The following TPCN1 variants were observed in gnomAD, a reference collection of about 807,000 sequenced individuals.
TPCN1 encodes the protein two pore channel protein 1.
A neutral mutation model predicts 108.8 loss-of-function variants in TPCN1; 52 were observed. The observed-to-expected ratio is 0.48, with a 90% CI of 0.38 to 0.60. The LOEUF (loss-of-function observed/expected upper bound fraction) is 0.60, where lower values mean the gene tolerates loss of function less well. TPCN1 is among the 20% of genes least tolerant of loss of function. The pLI, the probability that TPCN1 is intolerant of heterozygous loss-of-function variation, is 0.00. For missense variants in TPCN1, 806 were observed against 1,072.8 expected, an observed-to-expected ratio of 0.75 and a Z score of 3.47; for synonymous variants, 446 against 433.7, an observed-to-expected ratio of 1.03 and a Z score of -0.35.
chr12:113,277,884 G>C (rs1955727396), intron 12 of TPCN1, among the ~76,000 whole-genome samples: 1 of 152,190 alleles, frequency 6.6e-6, no homozygotes, highest in Non-Finnish European at 1.5e-5. Flanking sequence ...AAAAAGTGAA[G>C]TTTCCGTCCT....
chr12:113,245,600 C>CAAAAAAAAAA (rs766002477), intron 2 of TPCN1, among the ~76,000 whole-genome samples: 2 of 43,102 alleles, frequency 4.6e-5, no homozygotes, highest in South Asian at 7.9e-4. Flanking sequence ...GACTCCGTCT[C>CAAAAAAAAAA]AAAAAAAAAA....
rs1007441968 is a variant in TPCN1, at chr12:113,266,008, C to G, written c.238-172C>G. ...GCCCATCAGCAGGCAGGAGTGAGAC[C>G]TGACCACCGTGAGTTTCGCGAAGAT... On this transcript the variant is annotated intron_variant, in intron 3 of 27. Coordinates refer to ENST00000335509, the MANE Select transcript of TPCN1 (RefSeq NM_017901.6). This position sits in a 1 kb window ranked among gnomAD's most constrained non-coding sequence, Gnocchi z 4.2. 2.0e-5 allele frequency among the ~76,000 whole-genome samples: 3 copies of G among 152,002 alleles called. No homozygotes were observed. Among genetic ancestry groups the G allele is most frequent in the African/African-American group, 7.3e-5 (3 of 41,334 alleles).
chr12:113,233,531 C>T (rs1953772031), intron 2 of TPCN1, among the ~76,000 whole-genome samples: 1 of 152,252 alleles, frequency 6.6e-6, no homozygotes, highest in African/African-American at 2.4e-5. Flanking sequence ...ACGCCGCCTT[C>T]CTGCTCCAGG....
At chr12:113,285,087 T>G (rs1325284966) in intron 17 of TPCN1, among the ~76,000 whole-genome samples, 1 of 152,242 alleles carries the variant, frequency 6.6e-6, no homozygotes, top group Non-Finnish European at 1.5e-5. Flanking sequence ...TGCCTGCCTC[T>G]GGGCTGTGCA....
chr12:113,295,530 T>G (rs1032424105), intron 27 of TPCN1, among the ~76,000 whole-genome samples: 1 of 151,990 alleles, frequency 6.6e-6, no homozygotes, highest in African/African-American at 2.4e-5. Flanking sequence ...TGTCAGAGTT[T>G]ATAATCATGG....
intron 1 of TPCN1, among the ~76,000 whole-genome samples, chr12:113,223,968 TATATAAAAATG>T (rs1013987556): frequency 3.8e-4 from 58 of 152,370 alleles, no homozygotes; most frequent in African/African-American, 1.3e-3. Context: ...GAACAACTCC[TATATAAAAATG>T]ATATAAAAAT....
In TPCN1 at chr12:113,284,095, G is replaced by A. The variant is rs1469296515; in HGVS notation, c.1343-486G>A. ...TGTTTTGCTATCACAATAGTGCTGC[G>A]GTGAGTAGCTTTCAGATACATCTTA... is the stretch of plus-strand genomic sequence containing the variant. On this transcript the variant is annotated intron_variant, in intron 15 of 27. Coordinates refer to ENST00000335509, the MANE Select transcript of TPCN1 (RefSeq NM_017901.6). This position sits in a 1 kb window ranked among gnomAD's most constrained non-coding sequence, Gnocchi z 4.1. Among the ~76,000 whole-genome samples the A allele has an allele frequency of 3.3e-5, 5 of 152,332 alleles. No homozygotes were observed. The highest frequency in any genetic ancestry group is 7.3e-5 in the Non-Finnish European group (5 of 68,040).
intron 2 of TPCN1, among the ~76,000 whole-genome samples, chr12:113,259,833 A>T (rs1292014454): frequency 1.3e-5 from 2 of 152,244 alleles, no homozygotes; most frequent in Non-Finnish European, 1.5e-5. Flanking sequence ...TGTTCTACAG[A>T]GACAGATGGC....
intron 2 of TPCN1, among the ~76,000 whole-genome samples, chr12:113,247,858 G>A (rs944823460): frequency 1.3e-5 from 2 of 152,190 alleles, no homozygotes; most frequent in Admixed American, 6.5e-5. Flanking sequence ...AGAAATGAGC[G>A]ATCATGCTTT....
At chr12:113,260,917 G>T (rs1386680423) in intron 3 of TPCN1, among the ~76,000 whole-genome samples, 1 of 151,844 alleles carries the variant, frequency 6.6e-6, no homozygotes, top group Non-Finnish European at 1.5e-5. Flanking sequence ...TTTTGGCCAG[G>T]CATGGTCGCT....
rs981734083 is a variant in TPCN1 at position 113,231,560 on chromosome 12, A to G, written c.112+4596A>G. Among the ~76,000 whole-genome samples the G allele has an allele frequency of 6.6e-6, 1 of 152,212 alleles. No individual in the cohort carries two copies. The highest frequency in any genetic ancestry group is 1.5e-5 in the Non-Finnish European group (1 of 68,044). Reference sequence around the variant, plus strand: ...ATTTGAGGGGGACACAGTTCAGGCCATCACACTCCTACCCATTCTTCAGAG... The same window carrying G: ...ATTTGAGGGGGACACAGTTCAGGCCGTCACACTCCTACCCATTCTTCAGAG... On this transcript the variant is annotated intron_variant, in intron 2 of 27. Transcript: ENST00000335509. The surrounding 1 kb of genome is among the most constrained non-coding windows in gnomAD (Gnocchi z 4.3).
chr12:113,285,043 G>A (rs1369421154), intron 17 of TPCN1, among the ~76,000 whole-genome samples: 4 of 152,200 alleles, frequency 2.6e-5, no homozygotes, highest in Non-Finnish European at 5.9e-5. Flanking sequence ...GCACACTGTT[G>A]CTCTCCTCAG....
chr12:113,244,571 A>G, intron 2 of TPCN1: 2 of 985,408 alleles, frequency 2.0e-6, no homozygotes, highest in Non-Finnish European at 2.4e-6. Flanking sequence ...GCACAGAAGC[A>G]TGGTGGCAAC....
intron 15 of TPCN1, among the ~76,000 whole-genome samples, chr12:113,282,075 C>T (rs796311885): frequency 8.0e-5 from 12 of 150,040 alleles, no homozygotes; most frequent in African/African-American, 2.9e-4. Flanking sequence ...TGCCCACCAC[C>T]ACACCCGGCT....
intron 1 of TPCN1, among the ~76,000 whole-genome samples, chr12:113,223,524 A>G (rs1162930668): frequency 6.9e-6 from 1 of 144,426 alleles, no homozygotes; most frequent in Non-Finnish European, 1.5e-5. Flanking sequence ...TGTTTTACTT[A>G]TTTAGTTATT....
In TPCN1 at chr12:113,280,135, T is replaced by G; in HGVS notation, c.1298-16T>G. The G allele has an allele frequency of 1.3e-6, 2 of 1,587,852 alleles. No homozygotes were observed. Among genetic ancestry groups the G allele is most frequent in the Non-Finnish European group, 1.7e-6 (2 of 1,157,454 alleles). ...GTGCGTAAATTTACATTTTAACTTG[T>G]CTTTTCTTCAAATAGGTATTAATAT... On this transcript the variant is annotated splice_polypyrimidine_tract_variant and intron_variant, in intron 14 of 27. Coordinates refer to ENST00000335509, the MANE Select transcript of TPCN1 (RefSeq NM_017901.6).
chr12:113,271,935 G>A (rs1262704128), intron 7 of TPCN1, among the ~76,000 whole-genome samples: 1 of 152,208 alleles, frequency 6.6e-6, no homozygotes, highest in African/African-American at 2.4e-5. Flanking sequence ...GAAAGCCGAG[G>A]TCCTTTCACC....
intron 27 of TPCN1, 102 bp from the exon 28 acceptor site, chr12:113,295,858 T>A: frequency 3.1e-6 from 4 of 1,310,336 alleles, no homozygotes; most frequent in Non-Finnish European, 4.1e-6. Flanking sequence ...CTGGCAGCCC[T>A]GCCCCTTCCA....
chr12:113,227,189 C>G (rs1457672490), intron 2 of TPCN1, among the ~76,000 whole-genome samples: 1 of 152,194 alleles, frequency 6.6e-6, no homozygotes, highest in Admixed American at 6.5e-5. Context: ...CCTCTTGGTG[C>G]CCTCGCTACC....
Sources: allele counts gnomAD v4.1 joint callset (sites outside exome capture counted in the v4.1 genomes callset), GRCh38; gene constraint gnomAD v4.1.1; non-coding constraint Gnocchi (gnomAD v3.1); transcripts MANE v1.5; gene names NCBI Gene and HGNC (gene_info 2026-07-23, HGNC 2026-07-21).